The following SEMA6D variants were observed in gnomAD, a reference collection of about 807,000 sequenced individuals.
SEMA6D encodes semaphorin-6D.
A neutral mutation model predicts 106.6 loss-of-function variants in SEMA6D; 35 were observed. The observed-to-expected ratio is 0.33, with a 90% CI of 0.25 to 0.44. The LOEUF (loss-of-function observed/expected upper bound fraction) is 0.44. Among genes scored for constraint, SEMA6D ranks in the 20% least tolerant of loss-of-function variants. The pLI, the probability that SEMA6D is intolerant of heterozygous loss-of-function variation, is 1.00. For missense variants in SEMA6D, 1,185 were observed against 1,345.9 expected (o/e 0.88, Z 1.87); for synonymous variants, 499 against 487.7 (o/e 1.02, Z -0.31).
intron 4 of SEMA6D, among the ~76,000 whole-genome samples, chr15:47,603,088 C>T (rs1347668486): frequency 6.6e-6 from 1 of 152,088 alleles, no homozygotes; most frequent in Non-Finnish European, 1.5e-5. Context: ...TTGGATGGTA[C>T]ATTATGTGAA....
At chr15:47,451,126 G>T (rs540292931) in intron 2 of SEMA6D, among the ~76,000 whole-genome samples, 3 of 152,200 alleles carry the variant, frequency 2.0e-5, no homozygotes, top group East Asian at 3.9e-4. Context: ...GATTCCTTTT[G>T]CAGGGTATGA....
At chr15:47,268,475 G>T (rs1022802617) in intron 1 of SEMA6D, among the ~76,000 whole-genome samples, 3 of 152,172 alleles carry the variant, frequency 2.0e-5, no homozygotes, top group African/African-American at 7.2e-5. Context: ...TAGGAGGGCA[G>T]AGGTGGTAAG....
intron 1 of SEMA6D, among the ~76,000 whole-genome samples, chr15:47,348,714 CACACCACA>C (rs1237107350): frequency 5.4e-5 from 5 of 93,398 alleles, no homozygotes; most frequent in African/African-American, 1.8e-4. Flanking sequence ...CACACACACA[CACACCACA>C]CACACAGAGA....
intron 4 of SEMA6D, among the ~76,000 whole-genome samples, chr15:47,612,375 A>G (rs2076924752): frequency 6.6e-6 from 1 of 152,192 alleles, no homozygotes; most frequent in Admixed American, 6.5e-5. Context: ...TGCCTACCTA[A>G]ACAGAAGAAA....
intron 1 of SEMA6D, among the ~76,000 whole-genome samples, chr15:47,253,829 A>C (rs904951238): frequency 2.6e-5 from 4 of 152,144 alleles, no homozygotes; most frequent in African/African-American, 7.2e-5. Flanking sequence ...TGCTTTGGCT[A>C]TCCGAGGTCT....
At chr15:47,687,566 A>G (rs925223698) in intron 4 of SEMA6D, among the ~76,000 whole-genome samples, 5 of 152,216 alleles carry the variant, frequency 3.3e-5, no homozygotes, top group Non-Finnish European at 4.4e-5. Context: ...AGCCATATTA[A>G]ACGATTAGAT....
chr15:47,565,786 C>A (rs889411617), intron 3 of SEMA6D, among the ~76,000 whole-genome samples: 1 of 152,156 alleles, frequency 6.6e-6, no homozygotes, highest in African/African-American at 2.4e-5. Flanking sequence ...ATTGGAAATG[C>A]AAAATATGTT....
chr15:47,519,975 A>C (rs1406531294), intron 3 of SEMA6D, among the ~76,000 whole-genome samples: 1 of 152,212 alleles, frequency 6.6e-6, no homozygotes, highest in African/African-American at 2.4e-5. Flanking sequence ...TTCTCAGCCT[A>C]TGCTAATCTT....
intron 3 of SEMA6D, among the ~76,000 whole-genome samples, chr15:47,563,239 T>C (rs184528316): frequency 4.6e-5 from 7 of 152,314 alleles, no homozygotes; most frequent in African/African-American, 1.4e-4. Context: ...GATGGGCATG[T>C]CCAAAATCTG....
chr15:47,462,951 G>T (rs1195414894), intron 2 of SEMA6D, among the ~76,000 whole-genome samples: 1 of 152,028 alleles, frequency 6.6e-6, no homozygotes, highest in Admixed American at 6.6e-5. Flanking sequence ...ATTGAAAGAG[G>T]CACATGGACA....
At chr15:47,596,304 T>C (rs747331138) in intron 3 of SEMA6D, among the ~76,000 whole-genome samples, 1 of 152,122 alleles carries the variant, frequency 6.6e-6, no homozygotes, top group Non-Finnish European at 1.5e-5. Context: ...CATGGAAATA[T>C]ATTCTGTCTT....
intron 8 of SEMA6D, 88 bp downstream of exon 8, chr15:47,762,407 G>T: frequency 3.5e-6 from 5 of 1,448,066 alleles, no homozygotes; most frequent in Admixed American, 1.8e-5. Flanking sequence ...GAGGTTCAGC[G>T]CATGACTTTA....
At chr15:47,484,273 G>A (rs780711288) in intron 3 of SEMA6D, among the ~76,000 whole-genome samples, 10 of 152,074 alleles carry the variant, frequency 6.6e-5, no homozygotes, top group East Asian at 3.9e-4. Context: ...ATTCTCCATC[G>A]TGCAGTACTT....
At chr15:47,484,499 A>G (rs2043240048) in intron 3 of SEMA6D, among the ~76,000 whole-genome samples, 1 of 152,190 alleles carries the variant, frequency 6.6e-6, no homozygotes, top group Non-Finnish European at 1.5e-5. Flanking sequence ...GTTTTGATTA[A>G]ACATTTTGTT....
intron 3 of SEMA6D, among the ~76,000 whole-genome samples, chr15:47,599,988 G>A (rs1305436017): frequency 2.6e-5 from 4 of 152,024 alleles, no homozygotes; most frequent in Non-Finnish European, 5.9e-5. Flanking sequence ...GTAGCATTTG[G>A]GGAATTTGTA....
At chr15:47,608,892 T>A (rs1359151684) in intron 4 of SEMA6D, among the ~76,000 whole-genome samples, 2 of 145,374 alleles carry the variant, frequency 1.4e-5, no homozygotes, top group Non-Finnish European at 3.0e-5. Context: ...CTATAAATTA[T>A]ACAAAAATAA....
In SEMA6D at chr15:47,507,348, C is replaced by A. The variant is rs558568464; in HGVS notation, c.-87+36803C>A. On this transcript the variant is annotated intron_variant, in intron 3 of 19. Coordinates refer to the SEMA6D transcript ENST00000558014. ...GGCTCTCAAGTGGGACACCCCCCCC[C>A]ACCCCCCCGGGCCTTATATTCCTTG... Among the ~76,000 whole-genome samples, 15 of 129,894 alleles carry A rather than the reference C, an allele frequency of 1.2e-4. No individual in the cohort carries two copies. In the East Asian group the frequency reaches 3.7e-3, roughly 32 times the overall value. 85.2% of individuals were successfully genotyped at this position (129,894 alleles called of 152,430 possible).
intron 1 of SEMA6D, among the ~76,000 whole-genome samples, chr15:47,258,751 T>C (rs982568127): frequency 5.3e-5 from 8 of 152,172 alleles, no homozygotes; most frequent in African/African-American, 1.9e-4. Context: ...AATTGTGTGA[T>C]CCAATTTCCA....
chr15:47,618,097 G>A (rs2077038601), intron 4 of SEMA6D, among the ~76,000 whole-genome samples: 1 of 152,118 alleles, frequency 6.6e-6, no homozygotes, highest in Admixed American at 6.5e-5. Context: ...TAGCCTGCTG[G>A]GTGACCTAAC....
Sources: gnomAD v4.1 joint callset for allele counts (sites outside exome capture counted in the v4.1 genomes callset) on GRCh38, gnomAD v4.1.1 for gene constraint, MANE v1.5 for transcripts, NCBI Gene and HGNC (gene_info 2026-07-23, HGNC 2026-07-21) for gene names.